The following DENND1A variants were observed in gnomAD, a reference collection of about 807,000 sequenced individuals.
DENND1A encodes DENN domain-containing protein 1A.
Under a neutral mutation model 113.7 loss-of-function variants are expected in DENND1A, and 51 were observed. The ratio of observed to expected loss-of-function variants is 0.45; its 90% CI spans 0.36 to 0.57. The LOEUF is 0.57. Among genes scored for constraint, DENND1A ranks in the 20% least tolerant of loss-of-function variants. The pLI is 0.00. For synonymous variants in DENND1A, 565 were observed against 570.8 expected, an observed-to-expected ratio of 0.99 and a Z score of 0.14; for missense variants, 1,258 against 1,395.9, an observed-to-expected ratio of 0.90 and a Z score of 1.57.
intron 2 of DENND1A, among the ~76,000 whole-genome samples, chr9:123,853,271 G>A (rs1255469339): frequency 2.0e-5 from 3 of 152,132 alleles, no homozygotes; most frequent in Non-Finnish European, 2.9e-5. Context: ...GCAAGTATAG[G>A]TTGACTCCTC....
chr9:123,397,360 G>A (rs947340940), intron 21 of DENND1A, among the ~76,000 whole-genome samples: 7 of 152,162 alleles, frequency 4.6e-5, no homozygotes, highest in African/African-American at 1.7e-4. Context: ...TTGCCATGTT[G>A]GCCAGGCTGG....
chr9:123,564,995 T>C (rs1165480594), intron 12 of DENND1A, among the ~76,000 whole-genome samples: 1 of 144,422 alleles, frequency 6.9e-6, no homozygotes, highest in Non-Finnish European at 1.5e-5. Context: ...TTTTTTTTTT[T>C]TTTTTTTTTT....
intron 4 of DENND1A, among the ~76,000 whole-genome samples, chr9:123,769,082 C>T (rs1829306837): frequency 6.6e-6 from 1 of 152,030 alleles, no homozygotes; most frequent in Non-Finnish European, 1.5e-5. Context: ...TACTTTTAAA[C>T]AAGATAGGGC....
At chr9:123,757,884 T>C (rs978130849) in intron 4 of DENND1A, 62 bp from the exon 5 acceptor site, 3 of 1,587,222 alleles carry the variant, frequency 1.9e-6, no homozygotes, top group East Asian at 4.5e-5. Context: ...ATAAAGTATC[T>C]AATCACAATG....
At chr9:123,503,584 G>A (rs2052673138) in intron 13 of DENND1A, among the ~76,000 whole-genome samples, 1 of 152,158 alleles carries the variant, frequency 6.6e-6, no homozygotes, top group African/African-American at 2.4e-5. Flanking sequence ...TATCAGCATT[G>A]AGAAGGTATA....
At chr9:123,568,059 A>C (rs1462555346) in intron 12 of DENND1A, among the ~76,000 whole-genome samples, 1 of 152,208 alleles carries the variant, frequency 6.6e-6, no homozygotes, top group Non-Finnish European at 1.5e-5. Flanking sequence ...CAAACTTCAG[A>C]CCTGACATGG....
chr9:123,666,020 G>T (rs1393236930), intron 8 of DENND1A, among the ~76,000 whole-genome samples: 1 of 152,206 alleles, frequency 6.6e-6, no homozygotes, highest in East Asian at 1.9e-4. Context: ...AATTCACAGA[G>T]ACAGAAAGCA....
intron 5 of DENND1A, among the ~76,000 whole-genome samples, chr9:123,718,119 G>C (rs374224282): frequency 7.2e-4 from 109 of 152,268 alleles, no homozygotes; most frequent in African/African-American, 2.6e-3. Flanking sequence ...AGCCTTAAAA[G>C]CACATACACT....
intron 1 of DENND1A, among the ~76,000 whole-genome samples, chr9:123,920,292 A>G (rs1302030792): frequency 6.6e-6 from 1 of 152,142 alleles, no homozygotes; most frequent in Non-Finnish European, 1.5e-5. Context: ...TTAGCCGGAC[A>G]TGGTGGCAGG....
chr9:123,421,435 T>C (rs1394820687), intron 19 of DENND1A, among the ~76,000 whole-genome samples: 1 of 152,036 alleles, frequency 6.6e-6, no homozygotes, highest in African/African-American at 2.4e-5. Context: ...CAGAAGAAGA[T>C]GTTAAAACGT....
intron 2 of DENND1A, among the ~76,000 whole-genome samples, chr9:123,842,737 T>C (rs993750481): frequency 2.6e-5 from 4 of 152,174 alleles, no homozygotes; most frequent in Admixed American, 2.6e-4. Flanking sequence ...TTTCAAAAAC[T>C]AAAATATGAA....
At chr9:123,625,707 G>C (rs1249245169) in intron 10 of DENND1A, among the ~76,000 whole-genome samples, 2 of 152,206 alleles carry the variant, frequency 1.3e-5, no homozygotes, top group Non-Finnish European at 1.5e-5. Flanking sequence ...TCGTGCCACT[G>C]CATTCCAGCC....
At chr9:123,402,057 G>C in intron 21 of DENND1A, 7 of 1,145,376 alleles carry the variant, frequency 6.1e-6, no homozygotes, top group Middle Eastern at 4.3e-4. Context: ...CCCTTAAGGA[G>C]GAATCTTTAG....
At chr9:123,928,544 C>T (rs781159214) in intron 1 of DENND1A, 71 of 984,924 alleles carry the variant, frequency 7.2e-5, no homozygotes, top group Non-Finnish European at 8.4e-5. Context: ...CTCATTTCCA[C>T]AAAAATAAAG....
At chr9:123,823,496 G>A (rs1261743354) in intron 2 of DENND1A, among the ~76,000 whole-genome samples, 1 of 152,202 alleles carries the variant, frequency 6.6e-6, no homozygotes, top group Non-Finnish European at 1.5e-5. Context: ...CTTGTGCCAA[G>A]TCACACAGGG....
chr9:123,859,973 T>C (rs1844825437), intron 2 of DENND1A, among the ~76,000 whole-genome samples: 1 of 152,178 alleles, frequency 6.6e-6, no homozygotes, highest in East Asian at 1.9e-4. Flanking sequence ...ACAAAGGGAA[T>C]ATTGTGGTCT....
intron 2 of DENND1A, among the ~76,000 whole-genome samples, chr9:123,804,638 C>T (rs1170973546): frequency 6.6e-6 from 1 of 152,234 alleles, no homozygotes; most frequent in Non-Finnish European, 1.5e-5. Flanking sequence ...TCAACATCTC[C>T]ACTTGACGTC....
chr9:123,743,065 T>C (rs1417027680), intron 5 of DENND1A, among the ~76,000 whole-genome samples: 1 of 152,148 alleles, frequency 6.6e-6, no homozygotes, highest in Non-Finnish European at 1.5e-5. Flanking sequence ...TTGGACTGAG[T>C]ACCAAAGATG....
chr9:123,846,572 T>C (rs559072788), intron 2 of DENND1A, among the ~76,000 whole-genome samples: 25 of 152,158 alleles, frequency 1.6e-4, no homozygotes, highest in Non-Finnish European at 2.8e-4. Context: ...TTGAAAACAT[T>C]AGGGTAAGTG....
Sources: gnomAD v4.1 joint callset for allele counts (sites outside exome capture counted in the v4.1 genomes callset) on GRCh38, gnomAD v4.1.1 for gene constraint, MANE v1.5 for transcripts, NCBI Gene and HGNC (gene_info 2026-07-23, HGNC 2026-07-21) for gene names.